Variants in KALRN observed in about 807,000 individuals in gnomAD.
KALRN encodes kalirin RhoGEF kinase.
A neutral mutation model predicts 353.7 loss-of-function variants in KALRN; 70 were observed. That is an observed-to-expected ratio of 0.20 (90% CI 0.16 to 0.24). The LOEUF is 0.24. KALRN is among the 10% of genes least tolerant of loss of function. KALRN has a pLI of 1.00. For missense variants in KALRN, 2,791 were observed against 3,756.7 expected (o/e 0.74, Z 6.72); for synonymous variants, 1,391 against 1,434.8 (o/e 0.97, Z 0.69).
At chr3:124,190,929 A>T (rs1420714236) in intron 1 of KALRN, among the ~76,000 whole-genome samples, 1 of 152,214 alleles carries the variant, frequency 6.6e-6, no homozygotes, top group African/African-American at 2.4e-5. Flanking sequence ...GATACCAATC[A>T]TCAGCCCCAG....
At chr3:124,236,732 T>A (rs1408338065) in intron 3 of KALRN, among the ~76,000 whole-genome samples, 1 of 152,156 alleles carries the variant, frequency 6.6e-6, no homozygotes, top group Admixed American at 6.5e-5. Flanking sequence ...AGAAAAGATT[T>A]CCGCTGGGGT....
chr3:124,134,193 A>G (rs2065650254), intron 1 of KALRN, among the ~76,000 whole-genome samples: 2 of 152,242 alleles, frequency 1.3e-5, no homozygotes, highest in Admixed American at 1.3e-4. Flanking sequence ...ACATAGACCA[A>G]TGGAACAGAA....
intron 1 of KALRN, among the ~76,000 whole-genome samples, chr3:124,169,890 C>T (rs1490481390): frequency 1.3e-5 from 2 of 152,016 alleles, no homozygotes; most frequent in South Asian, 2.1e-4. Flanking sequence ...TATTTTTCCA[C>T]GAAGGAAACT....
intron 33 of KALRN, among the ~76,000 whole-genome samples, chr3:124,524,008 C>T (rs1478382330): frequency 6.6e-6 from 1 of 152,200 alleles, no homozygotes; most frequent in African/African-American, 2.4e-5. Flanking sequence ...ATTCAGTAAA[C>T]ATTTACTATG....
In KALRN at chr3:124,430,724, G is replaced by T. The variant is rs764238937; in HGVS notation, c.2778G>T (p.Ser926=). 2.5e-6 allele frequency: 4 copies of T among 1,614,118 alleles called. No individual in the cohort carries two copies. The South Asian group carries it at 4.4e-5, about 18-fold the overall frequency. ...GCCTGGTCAATGCCAGCTCTTTGTC[G>T]GAAGCAGAGCAGCTGCAGCGGGAGC... ...NASLVNASSL[S]EAEQLQREHE... is the part of the protein sequence containing the mutation. The change falls in exon 16 of 60, where the codon TCG becomes TCT. Residue 926 remains serine, a synonymous_variant. Transcript: ENST00000682506.
In KALRN at chr3:124,384,850, G is replaced by C. The variant is rs574174504; in HGVS notation, c.1776G>C (p.Thr592=). The C allele has an allele frequency of 1.3e-6, 2 of 1,594,624 alleles. No individual in the cohort carries two copies. Among genetic ancestry groups the C allele is most frequent in the Admixed American group, 1.7e-5 (1 of 58,778 alleles). The change falls in exon 11 of 60, where the codon ACG becomes ACC. Residue 592 remains threonine, a synonymous_variant. Coordinates refer to ENST00000682506, the MANE Select transcript of KALRN (RefSeq NM_001388419.1). ...HDDFEEVAQN[T]YTNADKLLEA... ...CTCACTGTTGTTGCTGGCAGAATACGTACACCAATGCGGACAAGCTCCTAG... is the reference window on the plus strand; with the variant it reads ...CTCACTGTTGTTGCTGGCAGAATACCTACACCAATGCGGACAAGCTCCTAG...
At chr3:124,569,478 T>C (rs986306) in intron 34 of KALRN, among the ~76,000 whole-genome samples, 57,020 of 152,072 alleles carry the variant, frequency 0.37, 11,315 homozygotes, top group African/African-American at 0.51. Context: ...TTACCATGGG[T>C]CAGGTTCTGG....
chr3:124,650,505 G>C (rs778992281), intron 37 of KALRN, among the ~76,000 whole-genome samples: 2 of 152,132 alleles, frequency 1.3e-5, no homozygotes, highest in African/African-American at 4.8e-5. Context: ...ATAGAATTGC[G>C]ATCGTTAGCA....
rs193238171 is a variant in KALRN at position 124,579,649 on chromosome 3, C to G, written c.5182+16560C>G. 2.0e-5 allele frequency among the ~76,000 whole-genome samples: 3 copies of G among 152,264 alleles called. No individual in the cohort carries two copies. In the East Asian group the frequency reaches 5.8e-4, roughly 29 times the overall value. The stretch of plus-strand genomic sequence containing the variant: ...GCTATTCAAATGATATCATGGGAAA[C>G]CTACCTCTCTCTCTCATCTTTTCCC... On this transcript the variant is annotated intron_variant, in intron 34 of 59. Coordinates refer to ENST00000682506, the MANE Select transcript of KALRN (RefSeq NM_001388419.1).
chr3:124,277,716 G>A (rs979982292), intron 5 of KALRN, among the ~76,000 whole-genome samples: 4 of 152,188 alleles, frequency 2.6e-5, no homozygotes, highest in African/African-American at 9.6e-5. Flanking sequence ...ATGGAGGAAG[G>A]ATGGGGAAGA....
intron 1 of KALRN, among the ~76,000 whole-genome samples, chr3:124,115,112 T>G (rs2063341374): frequency 6.6e-6 from 1 of 152,090 alleles, no homozygotes; most frequent in African/African-American, 2.4e-5. Flanking sequence ...AAGTTGGGCT[T>G]GTGGAGATAG....
At position 124,442,033 on chromosome 3, in the gene KALRN, C is replaced by G; in HGVS notation, c.3287C>G (p.Thr1096Ser). 6.2e-7 allele frequency: 1 copy of G among 1,604,630 alleles called. No homozygotes were observed. The highest frequency in any genetic ancestry group is 8.5e-7 in the Non-Finnish European group (1 of 1,173,304). Reference sequence around the variant, plus strand: ...AGCATGCCCAGTGTCGCCAGCCACACTCGGGGACCCGAGCAACAAGTGAAA... The same window carrying G: ...AGCATGCCCAGTGTCGCCAGCCACAGTCGGGGACCCGAGCAACAAGTGAAA... Reference protein sequence around the residue: ...NVSMPSVASHTRGPEQQVKAI... With the variant: ...NVSMPSVASHSRGPEQQVKAI... Residue 1096 changes from threonine (T) to serine (S), a missense_variant, in exon 19 of 60, where the codon ACT becomes AGT. Transcript: ENST00000682506.
chr3:124,629,208 C>CT (rs1180479283), intron 34 of KALRN, among the ~76,000 whole-genome samples: 1 of 152,146 alleles, frequency 6.6e-6, no homozygotes, highest in Non-Finnish European at 1.5e-5. Context: ...GACAACTCAC[C>CT]TTTGATTTGT....
chr3:124,518,940 C>T, intron 33 of KALRN: 1 of 995,282 alleles, frequency 1.0e-6, no homozygotes, highest in African/African-American at 1.7e-5. Context: ...TCTAATCTAG[C>T]TTGTATCCCC....
chr3:124,671,578 C>A, intron 47 of KALRN, 82 bp from the exon 48 acceptor site: 2 of 927,692 alleles, frequency 2.2e-6, no homozygotes, highest in Non-Finnish European at 3.5e-6. Context: ...CGATGCCTAA[C>A]ACAAAGCCTT....
Position 124,395,224 on chromosome 3 carries a change from G to A in KALRN, c.2052G>A (p.Gln684=). The part of the protein sequence containing the change: ...SVDAVQELIK[Q]FQQQQTATLD... ...ATGCAGTCCAGGAACTGATCAAGCA[G>A]TTCCAGCAGCAGCAGACCGCCACTC... The change falls in exon 12 of 60, where the codon CAG becomes CAA. Residue 684 remains glutamine (Q), a synonymous_variant. Transcript: ENST00000682506. 6.2e-7 allele frequency: 1 copy of A among 1,613,292 alleles called. No homozygotes were observed. The highest frequency in any genetic ancestry group is 8.5e-7 in the Non-Finnish European group (1 of 1,179,930).
chr3:124,273,621 A>G (rs184148860), intron 5 of KALRN, among the ~76,000 whole-genome samples: 272 of 152,344 alleles, frequency 1.8e-3, no homozygotes, highest in South Asian at 1.2e-3. Flanking sequence ...ATAAACTCTT[A>G]CTTATTAAAT....
intron 38 of KALRN, among the ~76,000 whole-genome samples, chr3:124,652,179 A>G (rs1246575275): frequency 6.6e-6 from 1 of 152,220 alleles, no homozygotes; most frequent in Non-Finnish European, 1.5e-5. Context: ...TCTGTTACCT[A>G]GAAATGTACA....
intron 9 of KALRN, among the ~76,000 whole-genome samples, chr3:124,341,503 C>T (rs1030861226): frequency 6.6e-6 from 1 of 152,186 alleles, no homozygotes; most frequent in Non-Finnish European, 1.5e-5. Context: ...AACCCATACT[C>T]TTTACATCCC....
Sources: allele counts gnomAD v4.1 joint callset (sites outside exome capture counted in the v4.1 genomes callset), GRCh38; gene constraint gnomAD v4.1.1; transcripts MANE v1.5; gene names NCBI Gene and HGNC (gene_info 2026-07-23, HGNC 2026-07-21).